The following MRTFB variants were observed in gnomAD, a reference collection of about 807,000 sequenced individuals.
MRTFB encodes myocardin related transcription factor B.
In MRTFB, 29 loss-of-function variants were observed where a neutral mutation model predicts 104.2. The observed-to-expected ratio is 0.28, with a 90% CI of 0.21 to 0.38. The LOEUF (loss-of-function observed/expected upper bound fraction) is 0.38, where lower values mean the gene tolerates loss of function less well. Among genes scored for constraint, MRTFB ranks in the 10% least tolerant of loss-of-function variants. The pLI is 1.00. For missense variants in MRTFB, 1,270 were observed against 1,341.6 expected, an observed-to-expected ratio of 0.95 and a Z score of 0.83; for synonymous variants, 535 against 519.5, an observed-to-expected ratio of 1.03 and a Z score of -0.41.
At chr16:14,060,540 G>A in the MRTFB span, among the ~76,000 whole-genome samples, 2 of 151,978 alleles carry the variant, frequency 1.3e-5, no homozygotes, top group Non-Finnish European at 2.9e-5. Context: ...AATCTACGTA[G>A]CCCTCAAGGG....
chr16:14,256,269 C>T (rs2043490934), intron 15 of MRTFB, among the ~76,000 whole-genome samples: 1 of 148,816 alleles, frequency 6.7e-6, no homozygotes, highest in African/African-American at 2.5e-5. Flanking sequence ...CAAACTTAAC[C>T]ATGTCAGTAA....
chr16:14,158,993 AACTT>A (rs1567399050), intron 3 of MRTFB, among the ~76,000 whole-genome samples: 1 of 151,204 alleles, frequency 6.6e-6, no homozygotes, highest in Non-Finnish European at 1.5e-5. Flanking sequence ...AAAAAAAAAA[AACTT>A]AGGTGTTGTG....
At chr16:14,100,086 A>C (rs958318100) in intron 2 of MRTFB, among the ~76,000 whole-genome samples, 22 of 152,166 alleles carry the variant, frequency 1.4e-4, no homozygotes, top group African/African-American at 5.3e-4. Context: ...AGTGCCTGTT[A>C]CTTATTTTTC....
At chr16:14,081,289 G>C (rs1281226564) in intron 2 of MRTFB, among the ~76,000 whole-genome samples, 1 of 133,266 alleles carries the variant, frequency 7.5e-6, no homozygotes, top group African/African-American at 3.2e-5. Flanking sequence ...TTCGTATGCT[G>C]CCTTTTTTTT....
chr16:14,187,127 G>C (rs1388086522), intron 3 of MRTFB: 4 of 1,027,870 alleles, frequency 3.9e-6, no homozygotes, highest in African/African-American at 1.6e-5. Flanking sequence ...CTATGTGTCT[G>C]CTCTCTCTGT....
intron 2 of MRTFB, among the ~76,000 whole-genome samples, chr16:14,115,299 T>A (rs60218708): frequency 0.012 from 1,789 of 152,338 alleles, 31 homozygotes; most frequent in African/African-American, 0.041. Context: ...TGTATTTTTT[T>A]AGTTATTTCC....
chr16:14,077,515 C>CT (rs36114031), intron 1 of MRTFB, among the ~76,000 whole-genome samples: 51,531 of 140,818 alleles, frequency 0.37, 10,665 homozygotes, highest in South Asian at 0.49. Flanking sequence ...CCCCTTGTTG[C>CT]TTTTTTTTTT....
At chr16:14,155,402 A>G (rs893871643) in intron 3 of MRTFB, among the ~76,000 whole-genome samples, 2 of 151,720 alleles carry the variant, frequency 1.3e-5, no homozygotes, top group Non-Finnish European at 1.5e-5. Flanking sequence ...AGTTTCATTT[A>G]TTTTCATCAT....
chr16:14,029,586 G>A, the MRTFB span, among the ~76,000 whole-genome samples: 2 of 151,024 alleles, frequency 1.3e-5, no homozygotes, highest in East Asian at 1.9e-4. Context: ...TTAGAATCAC[G>A]CCAGGTACCC....
chr16:14,203,439 C>T (rs1178414182), intron 3 of MRTFB, among the ~76,000 whole-genome samples: 1 of 152,124 alleles, frequency 6.6e-6, no homozygotes, highest in Non-Finnish European at 1.5e-5. Context: ...TGCTTTGCCT[C>T]GGCTTGCTCA....
At chr16:14,181,512 A>G (rs571606375) in intron 3 of MRTFB, among the ~76,000 whole-genome samples, 1 of 152,316 alleles carries the variant, frequency 6.6e-6, no homozygotes, top group Non-Finnish European at 1.5e-5. Context: ...TCTATTAGCA[A>G]GTACTGAGAC....
intron 3 of MRTFB, chr16:14,195,680 CAT>C: frequency 2.1e-6 from 1 of 467,006 alleles, no homozygotes; most frequent in Non-Finnish European, 2.8e-6. Flanking sequence ...TATTAAGAAA[CAT>C]GAGAACATTC....
intron 3 of MRTFB, among the ~76,000 whole-genome samples, chr16:14,167,982 C>T (rs1343546650): frequency 6.6e-6 from 1 of 152,182 alleles, no homozygotes; most frequent in Non-Finnish European, 1.5e-5. Flanking sequence ...CCACCGCGCC[C>T]GGCCAATCTA....
chr16:14,063,006 A>C, the MRTFB span, among the ~76,000 whole-genome samples: 2 of 152,178 alleles, frequency 1.3e-5, no homozygotes, highest in Non-Finnish European at 2.9e-5. Flanking sequence ...TCTTAGTTGC[A>C]AGGAAGGCAG....
At chr16:14,246,387 A>C in intron 11 of MRTFB, 86 bp from the exon 12 acceptor site, 1 of 1,350,424 alleles carries the variant, frequency 7.4e-7, no homozygotes, top group Non-Finnish European at 1.0e-6. Context: ...TCTGACAGAC[A>C]TAGGCACCTT....
At chr16:14,189,093 A>G (rs537473653) in intron 3 of MRTFB, among the ~76,000 whole-genome samples, 6 of 152,204 alleles carry the variant, frequency 3.9e-5, no homozygotes, top group Non-Finnish European at 8.8e-5. Context: ...GATAGGGTTG[A>G]GGCTAAAATA....
At chr16:14,017,102 G>A in the MRTFB span, among the ~76,000 whole-genome samples, 3 of 144,814 alleles carry the variant, frequency 2.1e-5, no homozygotes, top group Non-Finnish European at 3.0e-5. Context: ...TGTTGCCCAG[G>A]CTGGAGTGCA....
chr16:14,218,770 G>A, intron 7 of MRTFB, 50 bp from the exon 8 acceptor site: 3 of 1,503,294 alleles, frequency 2.0e-6, no homozygotes, highest in Non-Finnish European at 2.7e-6. Flanking sequence ...CATTAAGCTT[G>A]GTATTCCAAA....
chr16:14,121,904 T>C (rs2036863647), intron 2 of MRTFB, among the ~76,000 whole-genome samples: 1 of 152,202 alleles, frequency 6.6e-6, no homozygotes, highest in African/African-American at 2.4e-5. Flanking sequence ...TGTAATTGAT[T>C]TATATTTAAG....
Sources: gnomAD v4.1 joint callset for allele counts (sites outside exome capture counted in the v4.1 genomes callset) on GRCh38, gnomAD v4.1.1 for gene constraint, MANE v1.5 for transcripts, NCBI Gene and HGNC (gene_info 2026-07-23, HGNC 2026-07-21) for gene names.